ZNF385D: variants seen among roughly 807,000 people sequenced by gnomAD.
ZNF385D encodes the protein zinc finger protein 385D, also known as zinc finger protein 659.
A neutral mutation model predicts 35.8 loss-of-function variants in ZNF385D; 15 were observed. That is an observed-to-expected ratio of 0.42 (90% CI 0.28 to 0.64). ZNF385D has a LOEUF of 0.64. Among genes scored for constraint, ZNF385D ranks in the 30% least tolerant of loss-of-function variants. The pLI is 0.23. For missense variants in ZNF385D, 474 were observed against 494.6 expected (o/e 0.96, Z 0.39); for synonymous variants, 212 against 186.8 (o/e 1.13, Z -1.10).
At chr3:22,050,194 G>C (rs1431349108) in intron 3 of ZNF385D, among the ~76,000 whole-genome samples, 1 of 150,924 alleles carries the variant, frequency 6.6e-6, no homozygotes, top group Non-Finnish European at 1.5e-5. Context: ...AGGAAGATTG[G>C]GTTTAAAAAA....
intron 2 of ZNF385D, among the ~76,000 whole-genome samples, chr3:22,260,939 T>C (rs1274740063): frequency 6.6e-6 from 1 of 152,012 alleles, no homozygotes; most frequent in East Asian, 1.9e-4. Context: ...ATTTCAAAAT[T>C]ACATTAAAAC....
chr3:22,148,785 A>C (rs1479869796), intron 3 of ZNF385D, among the ~76,000 whole-genome samples: 1 of 152,288 alleles, frequency 6.6e-6, no homozygotes, highest in East Asian at 1.9e-4. Flanking sequence ...ATGGAAAATG[A>C]CCTTAAAACT....
chr3:21,921,016 C>G (rs1403130072), intron 3 of ZNF385D, among the ~76,000 whole-genome samples: 1 of 151,538 alleles, frequency 6.6e-6, no homozygotes, highest in Non-Finnish European at 1.5e-5. Flanking sequence ...GAGATGGAGA[C>G]CATCCTGGCT....
At chr3:21,858,809 G>A (rs1216637118) in intron 3 of ZNF385D, among the ~76,000 whole-genome samples, 2 of 152,058 alleles carry the variant, frequency 1.3e-5, no homozygotes, top group East Asian at 1.9e-4. Context: ...CTCCTCCATT[G>A]AGGTGGTATT....
At chr3:21,983,859 A>T (rs372316936) in intron 3 of ZNF385D, among the ~76,000 whole-genome samples, 5,855 of 113,770 alleles carry the variant, frequency 0.051, 171 homozygotes, top group Middle Eastern at 0.081. Context: ...TTGCCATTCT[A>T]ACTGGTGTGA....
intron 1 of ZNF385D, among the ~76,000 whole-genome samples, chr3:21,716,658 C>A (rs1325957748): frequency 6.6e-6 from 1 of 152,144 alleles, no homozygotes. Context: ...TATTTCTCTT[C>A]ACCCTCCCCT....
upstream of ZNF385D, chr3:21,751,474 G>A (rs749566669): frequency 2.1e-4 from 205 of 984,154 alleles, no homozygotes; most frequent in Non-Finnish European, 2.4e-4. Context: ...TGCCATTAAC[G>A]TGTAATTAGA....
intron 1 of ZNF385D, among the ~76,000 whole-genome samples, chr3:21,681,297 G>GGAA (rs1559513520): frequency 4.9e-4 from 1 of 2,022 alleles, no homozygotes. Flanking sequence ...TATTCCATCA[G>GGAA]TAAAAAAAAA....
At chr3:21,971,821 A>C (rs1015135685) in intron 3 of ZNF385D, among the ~76,000 whole-genome samples, 1 of 151,994 alleles carries the variant, frequency 6.6e-6, no homozygotes, top group African/African-American at 2.4e-5. Flanking sequence ...GGCTATCCTT[A>C]TATTAGACAA....
intron 3 of ZNF385D, among the ~76,000 whole-genome samples, chr3:21,763,592 G>A (rs555611007): frequency 1.3e-5 from 2 of 152,202 alleles, no homozygotes; most frequent in South Asian, 2.1e-4. Context: ...AATGTCCAGG[G>A]ATGATTAAGC....
At chr3:22,178,366 G>T (rs917772904) in intron 2 of ZNF385D, among the ~76,000 whole-genome samples, 7 of 152,088 alleles carry the variant, frequency 4.6e-5, no homozygotes, top group South Asian at 4.1e-4. Context: ...TGTGTCTTTT[G>T]GCTGCATTAA....
chr3:21,894,587 C>A (rs942976467), intron 3 of ZNF385D, among the ~76,000 whole-genome samples: 8 of 152,072 alleles, frequency 5.3e-5, no homozygotes, highest in African/African-American at 1.9e-4. Flanking sequence ...TGTTTAAAGA[C>A]CTTCTTTGTA....
chr3:21,710,363 G>C (rs761910900), intron 1 of ZNF385D, among the ~76,000 whole-genome samples: 1 of 152,136 alleles, frequency 6.6e-6, no homozygotes, highest in Non-Finnish European at 1.5e-5. Context: ...TGGTGAGACT[G>C]GGGTAGGGTG....
intron 3 of ZNF385D, among the ~76,000 whole-genome samples, chr3:21,815,038 A>G (rs2073087187): frequency 6.6e-6 from 1 of 152,184 alleles, no homozygotes; most frequent in Non-Finnish European, 1.5e-5. Flanking sequence ...CTCACTCAAA[A>G]CTGCACAACT....
chr3:21,887,346 TAATAA>T (rs1214472612), intron 3 of ZNF385D, among the ~76,000 whole-genome samples: 4 of 152,166 alleles, frequency 2.6e-5, no homozygotes, highest in East Asian at 1.9e-4. Context: ...CTATGCACAT[TAATAA>T]AATAGTTTGT....
intron 2 of ZNF385D, among the ~76,000 whole-genome samples, chr3:22,230,331 G>GT (rs1226975254): frequency 6.6e-6 from 1 of 152,132 alleles, no homozygotes; most frequent in Non-Finnish European, 1.5e-5. Flanking sequence ...TTATGTACAG[G>GT]TTTTTATGGC....
At position 22,242,327 on chromosome 3, in the gene ZNF385D, T is replaced by C. The variant is rs139243385; in HGVS notation, c.107-73292A>G. Among the ~76,000 whole-genome samples, 1,209 of 151,292 alleles carry C rather than the reference T, an allele frequency of 8.0e-3. 31 individuals carry two copies. The highest frequency in any genetic ancestry group is 0.012 in the Non-Finnish European group (797 of 67,932). ...TTAAGATGGAAACCATAACAATTTA[T>C]TCTGCATTGAAGAGAGTGCTTCTCA... On this transcript the variant is annotated intron_variant, in intron 2 of 5. Transcript: ENST00000494108.
chr3:22,245,067 A>G (rs567940017), intron 2 of ZNF385D, among the ~76,000 whole-genome samples: 9 of 152,302 alleles, frequency 5.9e-5, no homozygotes, highest in South Asian at 4.1e-4. Context: ...TCTATGCTGT[A>G]TAAGTCTTCA....
intron 3 of ZNF385D, among the ~76,000 whole-genome samples, chr3:22,160,231 A>G (rs1705859138): frequency 6.6e-6 from 1 of 152,106 alleles, no homozygotes; most frequent in Admixed American, 6.6e-5. Context: ...ATGGACTAAT[A>G]CATATACTGA....
Sources: allele counts gnomAD v4.1 joint callset (sites outside exome capture counted in the v4.1 genomes callset), GRCh38; gene constraint gnomAD v4.1.1; transcripts MANE v1.5; gene names NCBI Gene and HGNC (gene_info 2026-07-23, HGNC 2026-07-21).